Variants in SCARA3 observed in about 807,000 individuals in gnomAD.
SCARA3 encodes cellular stress response gene protein.
In SCARA3, 39 loss-of-function variants were observed where a neutral mutation model predicts 47.0. The observed-to-expected ratio is 0.83, with a 90% CI of 0.64 to 1.08. SCARA3 has a LOEUF of 1.08. SCARA3 is among the 50% of genes least tolerant of loss of function. SCARA3 has a pLI of 0.00. For missense variants in SCARA3, 724 were observed against 792.3 expected (o/e 0.91, Z 1.04); for synonymous variants, 356 against 334.1 (o/e 1.07, Z -0.71).
In SCARA3 at chr8:27,672,132, C is replaced by A; in HGVS notation, c.*781C>A. ...AGCAGGGGACCAGCATACCCGGGAGCTGTCCCTGTCTGTCACAGCACAGTG... is the reference window on the plus strand; with the variant it reads ...AGCAGGGGACCAGCATACCCGGGAGATGTCCCTGTCTGTCACAGCACAGTG... On this transcript the variant is annotated 3_prime_UTR_variant, in exon 6 of 6. Coordinates refer to ENST00000301904, the MANE Select transcript of SCARA3 (RefSeq NM_016240.3). 1.0e-6 allele frequency: 1 copy of A among 985,454 alleles called. No homozygotes were observed. Among genetic ancestry groups the A allele is most frequent in the Non-Finnish European group, 1.2e-6 (1 of 829,946 alleles). 61.0% of individuals were successfully genotyped at this position (985,454 alleles called of 1,614,324 possible).
chr8:27,635,661 GC>G (rs1231550542), intron 1 of SCARA3, among the ~76,000 whole-genome samples: 1 of 147,210 alleles, frequency 6.8e-6, no homozygotes, highest in East Asian at 2.0e-4. Flanking sequence ...TTATTATATT[GC>G]CCAGGTTGGT....
chr8:27,671,499 C>T lies in SCARA3; in HGVS notation c.*148C>T, dbSNP rs895771155. ...GGGCTGACCCTGCAGCTTTGGGCTCCCCCATAGTGACTGTGCCATAGGAAA... is the reference window on the plus strand; with the variant it reads ...GGGCTGACCCTGCAGCTTTGGGCTCTCCCATAGTGACTGTGCCATAGGAAA... On this transcript the variant is annotated 3_prime_UTR_variant, in exon 6 of 6. Coordinates refer to ENST00000301904, the MANE Select transcript of SCARA3 (RefSeq NM_016240.3). 2.3e-6 allele frequency: 3 copies of T among 1,295,482 alleles called. No homozygotes were observed. The highest frequency in any genetic ancestry group is 1.9e-6 in the Non-Finnish European group (2 of 1,027,234). The allele number at this position is 1,295,482 out of a possible 1,614,324, so 80.2% of individuals were successfully genotyped here. A position where few individuals can be genotyped will look rare whatever the true frequency, so the allele number is the denominator to read the frequency against.
intron 3 of SCARA3, among the ~76,000 whole-genome samples, 185 bp downstream of exon 3, chr8:27,651,812 G>C (rs779922981): frequency 1.3e-5 from 2 of 152,234 alleles, no homozygotes; most frequent in Non-Finnish European, 2.9e-5. Flanking sequence ...GACAAGATCT[G>C]TGGCCTTAAG....
chr8:27,660,836 AGCTAGC>A (rs61656101), intron 5 of SCARA3, among the ~76,000 whole-genome samples: 1,689 of 55,674 alleles, frequency 0.03, 14 homozygotes, highest in South Asian at 0.12. Flanking sequence ...GAAGATAGCT[AGCTAGC>A]TAGATAGATA....
intron 3 of SCARA3, 107 bp downstream of exon 3, chr8:27,651,734 G>T: frequency 1.4e-6 from 2 of 1,438,218 alleles, no homozygotes; most frequent in South Asian, 1.3e-5. Flanking sequence ...GTATCCCAGG[G>T]CCCAGAGCCA....
At chr8:27,726,862 T>G in the SCARA3 span, among the ~76,000 whole-genome samples, 9 of 151,922 alleles carry the variant, frequency 5.9e-5, no homozygotes, top group South Asian at 2.1e-4. Flanking sequence ...CTTGCCTCAC[T>G]GCAACCTCTG....
chr8:27,716,137 G>A, the SCARA3 span, among the ~76,000 whole-genome samples: 1 of 151,836 alleles, frequency 6.6e-6, no homozygotes, highest in Non-Finnish European at 1.5e-5. Flanking sequence ...AAGACCCAGT[G>A]TCTACAAGAA....
chr8:27,673,166 A>G (rs534339923), downstream of SCARA3: 302 of 202,204 alleles, frequency 1.5e-3, 7 homozygotes, highest in Middle Eastern at 0.017. Context: ...CATTTTAGAA[A>G]CACTGAGTTC....
intron 1 of SCARA3, among the ~76,000 whole-genome samples, chr8:27,643,655 G>A (rs1488350909): frequency 1.3e-5 from 2 of 152,190 alleles, no homozygotes; most frequent in African/African-American, 4.8e-5. Flanking sequence ...TTTAAATATA[G>A]CATTGGCTCC....
upstream of SCARA3, among the ~76,000 whole-genome samples, chr8:27,633,663 T>C (rs1469306475): frequency 1.3e-5 from 2 of 151,932 alleles, no homozygotes; most frequent in Non-Finnish European, 2.9e-5. Context: ...GGTTCGAGGC[T>C]GGGCTGTGGG....
At chr8:27,701,838 T>A in the SCARA3 span, 1 of 154,236 alleles carries the variant, frequency 6.5e-6, no homozygotes, top group African/African-American at 2.4e-5. Flanking sequence ...ACCAACCAAG[T>A]ATGCCCCAAA....
chr8:27,647,698 A>G (rs1801536467), intron 1 of SCARA3, among the ~76,000 whole-genome samples: 1 of 152,214 alleles, frequency 6.6e-6, no homozygotes, highest in Non-Finnish European at 1.5e-5. Flanking sequence ...GGTGTGGGCA[A>G]CAGGGCCTTA....
the SCARA3 span, among the ~76,000 whole-genome samples, chr8:27,696,616 ATT>A: frequency 2.2e-5 from 3 of 134,200 alleles, no homozygotes; most frequent in African/African-American, 5.5e-5. Flanking sequence ...CACCTGGCTA[ATT>A]TTTTTTTTTT....
downstream of SCARA3, among the ~76,000 whole-genome samples, chr8:27,674,658 G>A (rs1433471885): frequency 2.6e-5 from 4 of 151,726 alleles, no homozygotes. Context: ...CACCACTGGG[G>A]TGATTTTAAT....
the SCARA3 span, among the ~76,000 whole-genome samples, chr8:27,719,091 A>C: frequency 1.4e-4 from 22 of 152,196 alleles, no homozygotes; most frequent in Non-Finnish European, 1.6e-4. Context: ...GTTTTGACAA[A>C]AGAGAAATAG....
chr8:27,721,641 G>C, the SCARA3 span, among the ~76,000 whole-genome samples: 1 of 152,222 alleles, frequency 6.6e-6, no homozygotes, highest in African/African-American at 2.4e-5. Context: ...GTGGAATGGG[G>C]GTCTTGCCAG....
chr8:27,656,611 G>A (rs1242449046), intron 3 of SCARA3, among the ~76,000 whole-genome samples, 171 bp from the exon 4 acceptor site: 1 of 152,044 alleles, frequency 6.6e-6, no homozygotes, highest in Non-Finnish European at 1.5e-5. Context: ...GGGCCTTGTG[G>A]CAAACTCTGG....
intron 1 of SCARA3, among the ~76,000 whole-genome samples, chr8:27,646,368 A>G (rs1326022945): frequency 3.5e-4 from 54 of 152,244 alleles, no homozygotes. Context: ...AAAGCTGGTT[A>G]TAACAAAGCT....
downstream of SCARA3, among the ~76,000 whole-genome samples, chr8:27,678,764 G>C (rs2128925537): frequency 6.6e-6 from 1 of 152,192 alleles, no homozygotes; most frequent in South Asian, 2.1e-4. Context: ...ATTATAAACT[G>C]GTATCCTTCA....
Sources: allele counts gnomAD v4.1 joint callset (sites outside exome capture counted in the v4.1 genomes callset), GRCh38; gene constraint gnomAD v4.1.1; transcripts MANE v1.5; gene names NCBI Gene and HGNC (gene_info 2026-07-23, HGNC 2026-07-21).